The following TJP1 variants were observed in gnomAD, a reference collection of about 807,000 sequenced individuals.
TJP1 encodes tight junction protein ZO-1.
A neutral mutation model predicts 194.2 loss-of-function variants in TJP1; 43 were observed. The ratio of observed to expected loss-of-function variants is 0.22; its 90% CI spans 0.17 to 0.29. The LOEUF (loss-of-function observed/expected upper bound fraction) is 0.29, where lower values mean the gene tolerates loss of function less well. TJP1 is among the 10% of genes least tolerant of loss of function. TJP1 has a pLI of 1.00. For missense variants in TJP1, 1,971 were observed against 2,185.7 expected (o/e 0.90, Z 1.96); for synonymous variants, 801 against 779.0 (o/e 1.03, Z -0.47).
At position 29,726,435 on chromosome 15, in the gene TJP1, G is replaced by C; in HGVS notation, c.2356C>G (p.Leu786Val). 1.2e-6 allele frequency: 2 copies of C among 1,614,052 alleles called. No homozygotes were observed. The highest frequency in any genetic ancestry group is 1.7e-6 in the Non-Finnish European group (2 of 1,179,998). Reference sequence around the variant, plus strand: ...TGCTGTTGTTGAATTGCTTCTTTCAGCGCACCATACCAACCATCATTCATT... The same window carrying C: ...TGCTGTTGTTGAATTGCTTCTTTCACCGCACCATACCAACCATCATTCATT... ...NSMNDGWYGA[L>V]KEAIQQQQNQ... The change falls in exon 18 of 28, where the codon CTG (leucine) becomes GTG (valine). Residue 786 changes from leucine to valine, a missense_variant. Leu to Val is a conservative substitution (Grantham distance 32). This residue lies in a region of TJP1 where 402 missense variants were observed against 484.2 expected (regional missense o/e 0.83). Transcript: ENST00000614355.
rs117819101 is a variant in TJP1 at position 29,848,301 on chromosome 15, G to A, written c.307-47599C>T. Reference sequence around the variant, plus strand: ...TTTAGTATTTCTCAGTTGCTGAGAGGGTGCTGTGATCCTCAACTATAATTG... The same window carrying A: ...TTTAGTATTTCTCAGTTGCTGAGAGAGTGCTGTGATCCTCAACTATAATTG... On this transcript the variant is annotated intron_variant, in intron 2 of 28. Transcript: ENST00000356107. Among the ~76,000 whole-genome samples the A allele has an allele frequency of 4.9e-3, 751 of 152,208 alleles. 6 individuals are homozygous for A. The highest frequency in any genetic ancestry group is 6.8e-3 in the Middle Eastern group (2 of 294).
intron 2 of TJP1, among the ~76,000 whole-genome samples, chr15:29,953,033 T>C (rs1018172721): frequency 3.3e-5 from 5 of 152,054 alleles, no homozygotes; most frequent in East Asian, 1.9e-4. Context: ...TCAACTTCCT[T>C]AGAAAAACAA....
chr15:29,887,361 C>A (rs536670750), intron 2 of TJP1, among the ~76,000 whole-genome samples: 1 of 151,100 alleles, frequency 6.6e-6, no homozygotes, highest in Non-Finnish European at 1.5e-5. Flanking sequence ...GAGTGCAATG[C>A]GCAATCTCGG....
intron 2 of TJP1, among the ~76,000 whole-genome samples, chr15:29,929,349 T>C (rs529346244): frequency 1.3e-5 from 2 of 152,202 alleles, no homozygotes; most frequent in Non-Finnish European, 2.9e-5. Flanking sequence ...GAGAGAAATG[T>C]AGAGTTTTAC....
rs568722892 is a variant in TJP1, at chr15:29,739,276, T to C, written c.1257-1862A>G. Among the ~76,000 whole-genome samples the C allele has an allele frequency of 1.8e-4, 27 of 152,292 alleles. No individual in the cohort carries two copies. In the South Asian group the frequency reaches 5.6e-3, roughly 32 times the overall value. On this transcript the variant is annotated intron_variant, in intron 10 of 27. Transcript: ENST00000614355. The stretch of plus-strand genomic sequence containing the variant: ...CATTTTATACTTTGTCCTGCCTGCA[T>C]TATATTAACTACTTGCAGTAGCAAA...
chr15:29,843,854 G>A (rs2051315988), intron 2 of TJP1, among the ~76,000 whole-genome samples: 1 of 152,094 alleles, frequency 6.6e-6, no homozygotes, highest in South Asian at 2.1e-4. Flanking sequence ...AAGAGGCCAG[G>A]GAGTGAGTCA....
intron 8 of TJP1, among the ~76,000 whole-genome samples, chr15:29,755,037 C>A (rs934700252): frequency 1.3e-5 from 2 of 152,142 alleles, no homozygotes; most frequent in Non-Finnish European, 2.9e-5. Flanking sequence ...ATATTTTAAT[C>A]AACAATGGAC....
At chr15:29,808,438 T>G (rs2049258673) in intron 1 of TJP1, among the ~76,000 whole-genome samples, 1 of 152,208 alleles carries the variant, frequency 6.6e-6, no homozygotes, top group South Asian at 2.1e-4. Flanking sequence ...ATATTCACTT[T>G]GAAAATATAT....
chr15:29,818,184 G>A (rs1300590709), intron 1 of TJP1, among the ~76,000 whole-genome samples: 1 of 152,098 alleles, frequency 6.6e-6, no homozygotes, highest in East Asian at 1.9e-4. Flanking sequence ...AAACATTTAA[G>A]TATTCAGCAA....
At chr15:29,746,203 T>C (rs748293049) in intron 8 of TJP1, among the ~76,000 whole-genome samples, 5 of 152,094 alleles carry the variant, frequency 3.3e-5, no homozygotes, top group Admixed American at 6.5e-5. Flanking sequence ...GGTGAAACCC[T>C]GTCTCTACTA....
At chr15:29,867,631 G>A (rs2052353086) in intron 2 of TJP1, among the ~76,000 whole-genome samples, 1 of 152,120 alleles carries the variant, frequency 6.6e-6, no homozygotes, top group South Asian at 2.1e-4. Flanking sequence ...GAATTGGCTG[G>A]GCATGGTGGC....
chr15:29,883,085 G>A (rs528921988), intron 2 of TJP1, among the ~76,000 whole-genome samples: 6 of 152,304 alleles, frequency 3.9e-5, no homozygotes, highest in African/African-American at 1.2e-4. Context: ...TTCTGCTACA[G>A]AAGAACCTTT....
At position 29,772,177 on chromosome 15, in the gene TJP1, A is replaced by G. The variant is rs182043853; in HGVS notation, c.210-11T>C. 1.3e-6 allele frequency: 2 copies of G among 1,523,454 alleles called. No homozygotes were observed. Among genetic ancestry groups the G allele is most frequent in the Admixed American group, 3.7e-5 (2 of 53,702 alleles). The allele number at this position is 1,523,454 out of a possible 1,614,324, so 94.4% of individuals were successfully genotyped here. On this transcript the variant is annotated splice_polypyrimidine_tract_variant and intron_variant, in intron 3 of 27. Coordinates refer to ENST00000614355, the MANE Select transcript of TJP1 (RefSeq NM_001330239.4). ...ACTCGGTCATTTTCCCTAAGGGGAA[A>G]AGGGCACAAAATAATATGTTAGAGA...
At chr15:29,959,966 G>A (rs1346608082) in intron 1 of TJP1, among the ~76,000 whole-genome samples, 1 of 151,992 alleles carries the variant, frequency 6.6e-6, no homozygotes, top group Admixed American at 6.6e-5. Flanking sequence ...AGGACATATG[G>A]GAAAGAAAAA....
rs777037272 is a variant in TJP1 at position 29,720,495 on chromosome 15, G to C, written c.2626C>G (p.Arg876Gly). ...TCCTCTCTTACAGGCTCAGAGGACC[G>C]TGTAATGGCAGACTCCGGTGGAGTC... is the stretch of plus-strand genomic sequence containing the variant. Reference protein sequence around the residue: ...VGTPPESAITRSSEPVREDSS... With the variant: ...VGTPPESAITGSSEPVREDSS... The change falls in exon 19 of 28, where the codon CGG (arginine) becomes GGG (glycine). Residue 876 changes from arginine (R) to glycine (G), a missense_variant. Transcript: ENST00000614355. 1 of 1,614,110 alleles carries C rather than the reference G, an allele frequency of 6.2e-7. No homozygotes were observed.
chr15:29,945,958 T>G (rs546937152), intron 2 of TJP1, among the ~76,000 whole-genome samples: 1 of 152,132 alleles, frequency 6.6e-6, no homozygotes, highest in East Asian at 1.9e-4. Flanking sequence ...TACATCACGG[T>G]TTCTAAATAC....
chr15:29,707,293 T>C (rs1333499043), intron 25 of TJP1, among the ~76,000 whole-genome samples: 4 of 152,118 alleles, frequency 2.6e-5, no homozygotes, highest in Non-Finnish European at 5.9e-5. Context: ...GAGCCAGGGC[T>C]CAAAGGTGAG....
intron 8 of TJP1, among the ~76,000 whole-genome samples, chr15:29,747,838 G>GT (rs1470060931): frequency 1.3e-5 from 2 of 152,102 alleles, no homozygotes; most frequent in African/African-American, 2.4e-5. Flanking sequence ...ACTTCTGGGA[G>GT]TATTTTTATC....
Position 29,761,702 on chromosome 15 carries a change from C to T in TJP1, c.761G>A (p.Gly254Asp), listed in dbSNP as rs540730460. The T allele has an allele frequency of 2.5e-6, 4 of 1,605,674 alleles. No homozygotes were observed. The South Asian group carries it at 4.4e-5, about 18-fold the overall frequency. Residue 254 changes from glycine (G) to aspartate (D), a missense_variant, in exon 7 of 28, where the codon GGC becomes GAC. By Grantham distance (94) the Gly-to-Asp change is moderately conservative. This residue lies in a region of TJP1 where 245 missense variants were observed against 336.6 expected (regional missense o/e 0.73). Coordinates refer to ENST00000614355, the MANE Select transcript of TJP1 (RefSeq NM_001330239.4). Reference protein sequence around the residue: ...DAKTLIERSKGKLKMVVQRDE... With the variant: ...DAKTLIERSKDKLKMVVQRDE... ...TCTTTGAACTACCATTTTTAATTTGCCTTTAGACCTTTCTATCAATGTCTT... is the reference window on the plus strand; with the variant it reads ...TCTTTGAACTACCATTTTTAATTTGTCTTTAGACCTTTCTATCAATGTCTT...
Sources: allele counts gnomAD v4.1 joint callset (sites outside exome capture counted in the v4.1 genomes callset), GRCh38; gene constraint gnomAD v4.1.1; regional missense constraint gnomAD v4.1.1; transcripts MANE v1.5; gene names NCBI Gene and HGNC (gene_info 2026-07-23, HGNC 2026-07-21).